The following GRIN2B variants were observed in gnomAD, a reference collection of about 807,000 sequenced individuals.
The protein encoded by GRIN2B is glutamate receptor ionotropic, NMDA 2B.
GRIN2B carries 5 observed loss-of-function variants against 114.5 expected under a neutral mutation model. The observed-to-expected ratio is 0.04, with a 90% confidence interval of 0.02 to 0.09. The LOEUF (loss-of-function observed/expected upper bound fraction) is 0.09, where lower values mean the gene tolerates loss of function less well. Ranked by LOEUF, GRIN2B falls within the 10% of genes least tolerant of loss-of-function variation. The pLI is 1.00. For synonymous variants in GRIN2B, 787 were observed against 745.1 expected, an observed-to-expected ratio of 1.06 and a Z score of -0.92; for missense variants, 1,108 against 1,943.5, an observed-to-expected ratio of 0.57 and a Z score of 8.08.
chr12:13,783,967 T>C (rs1864170558), intron 3 of GRIN2B, among the ~76,000 whole-genome samples: 1 of 152,092 alleles, frequency 6.6e-6, no homozygotes, highest in South Asian at 2.1e-4. Context: ...CTCATGCCTG[T>C]AATCCCAGCA....
intron 3 of GRIN2B, among the ~76,000 whole-genome samples, chr12:13,838,388 C>T (rs1401727400): frequency 3.9e-5 from 6 of 152,278 alleles, no homozygotes; most frequent in Admixed American, 2.6e-4. Flanking sequence ...GGTCCATATC[C>T]GAAGCACCCC....
In GRIN2B at chr12:13,543,348, G is replaced by C. The variant is rs1177246260; in HGVS notation, c.*19435C>G. ...CTCACTAACTGAGTGATCCCAGCTT[G>C]AATCTCAATCCTCTGCCTCTAATAT... On this transcript the variant is annotated 3_prime_UTR_variant, in exon 14 of 14. Coordinates refer to ENST00000609686, the MANE Select transcript of GRIN2B (RefSeq NM_000834.5). 6.6e-6 allele frequency: 1 copy of C among 152,156 alleles called. No homozygotes were observed. The highest frequency in any genetic ancestry group is 1.5e-5 in the Non-Finnish European group (1 of 68,018). The allele number at this position is 152,156 out of a possible 1,614,324, so 9.4% of individuals were successfully genotyped here. A position where few individuals can be genotyped will look rare whatever the true frequency, so the allele number is the denominator to read the frequency against.
chr12:13,680,707 T>G (rs1322553435), intron 4 of GRIN2B, among the ~76,000 whole-genome samples: 1 of 152,070 alleles, frequency 6.6e-6, no homozygotes, highest in East Asian at 1.9e-4. Flanking sequence ...GACTGGAGCT[T>G]AAGTCTTCTG....
At chr12:13,741,349 A>T (rs187104816) in intron 4 of GRIN2B, among the ~76,000 whole-genome samples, 5 of 152,240 alleles carry the variant, frequency 3.3e-5, no homozygotes, top group African/African-American at 1.2e-4. Context: ...TTTATTACCA[A>T]ACCACCCTGT....
chr12:13,600,300 T>C (rs1283653619), intron 10 of GRIN2B, among the ~76,000 whole-genome samples: 1 of 152,178 alleles, frequency 6.6e-6, no homozygotes, highest in African/African-American at 2.4e-5. Flanking sequence ...AAGATGAGTC[T>C]ACTAATATCA....
intron 4 of GRIN2B, among the ~76,000 whole-genome samples, chr12:13,739,670 T>C (rs1032534334): frequency 6.6e-6 from 1 of 152,096 alleles, no homozygotes; most frequent in African/African-American, 2.4e-5. Flanking sequence ...AAATAGCTGA[T>C]TGCATGGAGA....
At chr12:13,949,661 C>T (rs1324157358) in intron 2 of GRIN2B, among the ~76,000 whole-genome samples, 2 of 152,164 alleles carry the variant, frequency 1.3e-5, no homozygotes, top group African/African-American at 2.4e-5. Flanking sequence ...CGTTAACAAA[C>T]GATTTCATTT....
intron 3 of GRIN2B, among the ~76,000 whole-genome samples, chr12:13,857,804 A>G (rs1185751650): frequency 6.6e-6 from 1 of 152,172 alleles, no homozygotes; most frequent in Non-Finnish European, 1.5e-5. Context: ...CCCATGTGAC[A>G]TTGTTTGGGC....
intron 3 of GRIN2B, among the ~76,000 whole-genome samples, chr12:13,849,228 TA>T (rs1865518380): frequency 1.3e-5 from 2 of 152,126 alleles, no homozygotes; most frequent in South Asian, 4.1e-4. Flanking sequence ...GCTCTCTTTC[TA>T]CCCTGCAGAG....
chr12:13,937,339 G>A (rs1867147368), intron 2 of GRIN2B, among the ~76,000 whole-genome samples: 1 of 151,844 alleles, frequency 6.6e-6, no homozygotes, highest in Non-Finnish European at 1.5e-5. Flanking sequence ...TAAATAAAGG[G>A]AATCAAACCT....
chr12:13,825,796 C>T (rs1865025347), intron 3 of GRIN2B, among the ~76,000 whole-genome samples: 1 of 151,958 alleles, frequency 6.6e-6, no homozygotes, highest in African/African-American at 2.4e-5. Flanking sequence ...GAATTACAGG[C>T]ATGAGCCACC....
At chr12:13,976,945 C>G (rs1863031229) in intron 2 of GRIN2B, among the ~76,000 whole-genome samples, 1 of 152,124 alleles carries the variant, frequency 6.6e-6, no homozygotes, top group Non-Finnish European at 1.5e-5. Flanking sequence ...CCCAGGTGCC[C>G]CCTGCCTCTC....
chr12:13,595,613 C>G (rs1565467994), intron 10 of GRIN2B, among the ~76,000 whole-genome samples: 1 of 152,220 alleles, frequency 6.6e-6, no homozygotes, highest in Non-Finnish European at 1.5e-5. Context: ...CTGCCTCCAT[C>G]TCCACTTGAT....
chr12:13,953,144 T>A (rs916499378), intron 2 of GRIN2B, among the ~76,000 whole-genome samples: 2 of 152,078 alleles, frequency 1.3e-5, no homozygotes, highest in African/African-American at 4.8e-5. Context: ...CCAGAGTACC[T>A]ACACATGACC....
intron 2 of GRIN2B, among the ~76,000 whole-genome samples, chr12:13,956,686 T>A (rs922867366): frequency 2.0e-5 from 3 of 152,170 alleles, no homozygotes; most frequent in Admixed American, 1.3e-4. Context: ...GACTCACCAG[T>A]AAGCCCGTGA....
chr12:13,876,998 A>C (rs775265506), intron 2 of GRIN2B, among the ~76,000 whole-genome samples: 9 of 152,262 alleles, frequency 5.9e-5, no homozygotes, highest in Non-Finnish European at 8.8e-5. Context: ...TTATAACAGA[A>C]GGGCAATACA....
At chr12:13,863,224 A>G (rs1865776115) in intron 3 of GRIN2B, among the ~76,000 whole-genome samples, 1 of 152,182 alleles carries the variant, frequency 6.6e-6, no homozygotes, top group Non-Finnish European at 1.5e-5. Flanking sequence ...TGGGTCCTCT[A>G]TGGAACTGTG....
intron 2 of GRIN2B, among the ~76,000 whole-genome samples, chr12:13,899,128 T>A (rs1474833100): frequency 6.6e-6 from 1 of 152,168 alleles, no homozygotes; most frequent in Non-Finnish European, 1.5e-5. Flanking sequence ...AACACTGTCT[T>A]ACACAACTCA....
At chr12:13,775,797 G>C (rs1863993096) in intron 3 of GRIN2B, among the ~76,000 whole-genome samples, 1 of 152,068 alleles carries the variant, frequency 6.6e-6, no homozygotes, top group Non-Finnish European at 1.5e-5. Flanking sequence ...GGATTACAGG[G>C]AGGCTAAATA....
Sources: gnomAD v4.1 joint callset for allele counts (sites outside exome capture counted in the v4.1 genomes callset) on GRCh38, gnomAD v4.1.1 for gene constraint, MANE v1.5 for transcripts, NCBI Gene and HGNC (gene_info 2026-07-23, HGNC 2026-07-21) for gene names.